The following ANKS1A variants were observed in gnomAD, a reference collection of about 807,000 sequenced individuals.
ANKS1A encodes ankyrin repeat and SAM domain-containing protein 1A.
Under a neutral mutation model 120.3 loss-of-function variants are expected in ANKS1A, and 55 were observed. The ratio of observed to expected loss-of-function variants is 0.46; its 90% confidence interval spans 0.37 to 0.57. ANKS1A has a LOEUF of 0.57. ANKS1A is among the 20% of genes least tolerant of loss of function. The pLI is 0.00. For missense variants in ANKS1A, 1,123 were observed against 1,480.3 expected, an observed-to-expected ratio of 0.76 and a Z score of 3.96; for synonymous variants, 590 against 604.7, an observed-to-expected ratio of 0.98 and a Z score of 0.36.
intron 13 of ANKS1A, among the ~76,000 whole-genome samples, chr6:35,077,057 C>T (rs924468483): frequency 4.6e-5 from 7 of 152,190 alleles, no homozygotes; most frequent in African/African-American, 7.2e-5. Flanking sequence ...GATGATCCTA[C>T]TCCGATAAGA....
intron 23 of ANKS1A, 48 bp downstream of exon 23, chr6:35,087,097 G>A (rs887106959): frequency 6.5e-7 from 1 of 1,549,052 alleles, no homozygotes; most frequent in Non-Finnish European, 8.9e-7. Context: ...GTCTCCACTA[G>A]TCTCACTGTG....
chr6:35,010,259 A>C (rs939193218), intron 10 of ANKS1A, among the ~76,000 whole-genome samples: 1 of 152,218 alleles, frequency 6.6e-6, no homozygotes, highest in Non-Finnish European at 1.5e-5. Flanking sequence ...GGGATAATGC[A>C]ATATCTTAGG....
chr6:34,977,109 T>C (rs899006346), intron 3 of ANKS1A, among the ~76,000 whole-genome samples: 1 of 152,200 alleles, frequency 6.6e-6, no homozygotes, highest in African/African-American at 2.4e-5. Flanking sequence ...TATGGAACAG[T>C]TCCTCAGCCT....
chr6:34,924,506 T>A (rs954326353), intron 1 of ANKS1A, among the ~76,000 whole-genome samples: 1 of 152,170 alleles, frequency 6.6e-6, no homozygotes, highest in African/African-American at 2.4e-5. Context: ...AAGTTTCTCA[T>A]TTCCCTGCAG....
intron 1 of ANKS1A, among the ~76,000 whole-genome samples, chr6:34,956,364 T>TG (rs1770362348): frequency 6.6e-6 from 1 of 152,074 alleles, no homozygotes; most frequent in African/African-American, 2.4e-5. Context: ...TGGGTTTTTT[T>TG]TGTGTGTGCT....
chr6:34,916,113 C>T (rs1429596730), intron 1 of ANKS1A, among the ~76,000 whole-genome samples: 1 of 151,648 alleles, frequency 6.6e-6, no homozygotes, highest in Non-Finnish European at 1.5e-5. Context: ...CTGTCTCAGC[C>T]TCCCGAGTAG....
chr6:34,934,589 G>T (rs1769154118), intron 1 of ANKS1A, among the ~76,000 whole-genome samples: 1 of 152,192 alleles, frequency 6.6e-6, no homozygotes, highest in South Asian at 2.1e-4. Flanking sequence ...TTTCTCATTT[G>T]AAGTTACATA....
chr6:34,958,342 A>C (rs1044769228), intron 1 of ANKS1A, among the ~76,000 whole-genome samples: 2 of 152,142 alleles, frequency 1.3e-5, no homozygotes, highest in African/African-American at 4.8e-5. Context: ...TATTGAATCT[A>C]TCCTTTTTTC....
intron 9 of ANKS1A, among the ~76,000 whole-genome samples, chr6:34,990,908 G>C (rs1313130658): frequency 6.6e-6 from 1 of 152,170 alleles, no homozygotes; most frequent in Non-Finnish European, 1.5e-5. Flanking sequence ...TGAATACAGA[G>C]GTGATACGGC....
chr6:35,085,954 G>T lies in ANKS1A; in HGVS notation c.3303+18G>T, dbSNP rs1777951787. The T allele has an allele frequency of 6.3e-7, 1 of 1,580,494 alleles. No individual in the cohort carries two copies. The highest frequency in any genetic ancestry group is 8.6e-7 in the Non-Finnish European group (1 of 1,165,468). The stretch of plus-strand genomic sequence containing the variant: ...AATCCGCAGTACGTGGGCCCCACTG[G>T]CCAAGATCCCCCTCTCCCTGGCCCC... On this transcript the variant is annotated intron_variant, in intron 22 of 23. Transcript: ENST00000360359. The surrounding 1 kb of genome is among the most constrained non-coding windows in gnomAD (Gnocchi z 4.7).
intron 11 of ANKS1A, among the ~76,000 whole-genome samples, chr6:35,051,040 A>G (rs546911532): frequency 1.9e-4 from 29 of 152,166 alleles, no homozygotes; most frequent in Middle Eastern, 3.4e-3. Flanking sequence ...AACACCTCAC[A>G]TGGATACCCG....
intron 1 of ANKS1A, among the ~76,000 whole-genome samples, chr6:34,943,916 G>A (rs1043943090): frequency 3.9e-5 from 6 of 152,198 alleles, no homozygotes; most frequent in Non-Finnish European, 5.9e-5. Context: ...CCAGGAGCAT[G>A]ATTACTGAAT....
intron 13 of ANKS1A, chr6:35,070,871 T>C: frequency 1.6e-6 from 1 of 628,472 alleles, no homozygotes; most frequent in South Asian, 1.4e-5. Context: ...ATTTCTTCAT[T>C]TCTTGCATTT....
intron 1 of ANKS1A, among the ~76,000 whole-genome samples, chr6:34,925,304 C>T (rs1297161821): frequency 6.6e-6 from 1 of 152,160 alleles, no homozygotes; most frequent in Non-Finnish European, 1.5e-5. Context: ...CATTCCTCTC[C>T]ACAGTCTCTG....
At chr6:35,066,181 G>A (rs1052927922) in intron 13 of ANKS1A, among the ~76,000 whole-genome samples, 3 of 152,234 alleles carry the variant, frequency 2.0e-5, no homozygotes, top group African/African-American at 7.2e-5. Flanking sequence ...TGTTATGTGT[G>A]GTGACATCGT....
chr6:35,088,490 C>T, intron 23 of ANKS1A, 116 bp from the exon 24 acceptor site: 1 of 1,367,450 alleles, frequency 7.3e-7, no homozygotes, highest in South Asian at 1.2e-5. Context: ...GGAGGGTGCC[C>T]CGGGGAGGCT....
At chr6:35,007,188 G>T (rs991085095) in intron 10 of ANKS1A, among the ~76,000 whole-genome samples, 2 of 152,152 alleles carry the variant, frequency 1.3e-5, no homozygotes, top group Non-Finnish European at 2.9e-5. Context: ...GGCATTTTGC[G>T]CCTGGGGACC....
At chr6:34,983,079 T>G (rs368047059) in intron 5 of ANKS1A, 34 bp from the exon 6 acceptor site, 2 of 1,596,172 alleles carry the variant, frequency 1.3e-6, no homozygotes, top group Non-Finnish European at 1.7e-6. Flanking sequence ...TTGAAAATGC[T>G]CACTCCCCTG....
intron 11 of ANKS1A, among the ~76,000 whole-genome samples, chr6:35,034,785 C>T (rs1775076103): frequency 6.6e-6 from 1 of 152,182 alleles, no homozygotes; most frequent in South Asian, 2.1e-4. Flanking sequence ...GCAGTCAGAT[C>T]TACAAAAGTG....
Sources: gnomAD v4.1 joint callset for allele counts (sites outside exome capture counted in the v4.1 genomes callset) on GRCh38, gnomAD v4.1.1 for gene constraint, Gnocchi (gnomAD v3.1) non-coding constraint, MANE v1.5 for transcripts, NCBI Gene and HGNC (gene_info 2026-07-23, HGNC 2026-07-21) for gene names.